The following LRRC74A variants were observed in gnomAD, a reference collection of about 807,000 sequenced individuals.
The protein encoded by LRRC74A is leucine-rich repeat-containing protein 74A.
LRRC74A carries 44 observed loss-of-function variants against 57.9 expected under a neutral mutation model. The ratio of observed to expected loss-of-function variants is 0.76; its 90% CI spans 0.60 to 0.98. The LOEUF is 0.98. Ranked by LOEUF, LRRC74A falls within the 50% of genes least tolerant of loss-of-function variation. The pLI is 0.00. For synonymous variants in LRRC74A, 211 were observed against 219.4 expected (o/e 0.96, Z 0.34); for missense variants, 572 against 574.0 (o/e 1.00, Z 0.04).
At chr14:76,828,938 T>C (rs1166306144) in intron 2 of LRRC74A, 1 of 886,396 alleles carries the variant, frequency 1.1e-6, no homozygotes, top group East Asian at 1.2e-4. Context: ...TGGCCTATCT[T>C]GCATCCCAGT....
At position 76,857,510 on chromosome 14, in the gene LRRC74A, C is replaced by A. The variant is rs760459627; in HGVS notation, c.1053+35C>A. 9.6e-6 allele frequency: 14 copies of A among 1,457,096 alleles called. No individual in the cohort carries two copies. In the East Asian group the frequency reaches 2.7e-4, roughly 28 times the overall value. The allele number at this position is 1,457,096 out of a possible 1,614,324, so 90.3% of individuals were successfully genotyped here. ...CAAATGGTAGTTGCTTGCGTCTGGG[C>A]ACAAGCCAGTGACCCTGTCCACTCT... On this transcript the variant is annotated intron_variant, in intron 10 of 13. Coordinates refer to ENST00000689127, the MANE Select transcript of LRRC74A (RefSeq NM_001385106.1).
chr14:76,843,148 G>A (rs1439655355), intron 5 of LRRC74A, among the ~76,000 whole-genome samples: 2 of 151,958 alleles, frequency 1.3e-5, no homozygotes, highest in African/African-American at 4.8e-5. Context: ...TGGGTGTGGT[G>A]GTGCACAACC....
chr14:76,857,269 G>A (rs1897973479), intron 9 of LRRC74A, 111 bp from the exon 10 acceptor site: 1 of 655,732 alleles, frequency 1.5e-6, no homozygotes, highest in Non-Finnish European at 2.8e-6. Flanking sequence ...TACTTACAGT[G>A]AAGTCTGGGT....
At chr14:76,860,185 G>T (rs1898193877) in intron 10 of LRRC74A, among the ~76,000 whole-genome samples, 1 of 152,156 alleles carries the variant, frequency 6.6e-6, no homozygotes, top group South Asian at 2.1e-4. Flanking sequence ...TGGAGCCCAG[G>T]TTTGATCAAA....
At chr14:76,862,536 C>CA (rs67527511) in intron 11 of LRRC74A, among the ~76,000 whole-genome samples, 5 of 145,956 alleles carry the variant, frequency 3.4e-5, no homozygotes, top group Admixed American at 1.4e-4. Flanking sequence ...GACTCTGTCT[C>CA]AAAAAAAAAA....
In LRRC74A at chr14:76,829,000, A is replaced by T. The variant is rs554900171; in HGVS notation, c.166+581A>T. 98 of 1,288,440 alleles carry T rather than the reference A, an allele frequency of 7.6e-5. No individual in the cohort carries two copies. In the African/African-American group the frequency reaches 1.4e-3, roughly 18 times the overall value. The allele number at this position is 1,288,440 out of a possible 1,614,324, so 79.8% of individuals were successfully genotyped here. A position where few individuals can be genotyped will look rare whatever the true frequency, so the allele number is the denominator to read the frequency against. ...CTGGTTTCCCCTACTTTTCTTGATAAATCTAAGCATGCCTGGGTATCGGGA... is the reference window on the plus strand; with the variant it reads ...CTGGTTTCCCCTACTTTTCTTGATATATCTAAGCATGCCTGGGTATCGGGA... On this transcript the variant is annotated intron_variant, in intron 2 of 13. Coordinates refer to ENST00000689127, the MANE Select transcript of LRRC74A (RefSeq NM_001385106.1).
intron 13 of LRRC74A, among the ~76,000 whole-genome samples, chr14:76,868,088 C>A (rs1486804167): frequency 2.0e-5 from 3 of 152,364 alleles, no homozygotes; most frequent in East Asian, 3.9e-4. Flanking sequence ...GCACGCTCTG[C>A]AGCCTCACGG....
At chr14:76,869,380 G>GAA (rs1899241310) in intron 13 of LRRC74A, among the ~76,000 whole-genome samples, 1 of 152,218 alleles carries the variant, frequency 6.6e-6, no homozygotes, top group Non-Finnish European at 1.5e-5. Context: ...AGCTGTGATT[G>GAA]AAGAGCAGAG....
Position 76,844,901 on chromosome 14 carries a change from G to A in LRRC74A, c.676G>A (p.Ala226Thr), listed in dbSNP as rs370051436. 1 of 1,532,454 alleles carries A rather than the reference G, an allele frequency of 6.5e-7. No individual in the cohort carries two copies. The highest frequency in any genetic ancestry group is 9.0e-7 in the Non-Finnish European group (1 of 1,106,014). 94.9% of individuals were successfully genotyped at this position (1,532,454 alleles called of 1,614,324 possible). The change falls in exon 7 of 14, where the codon GCC (alanine) becomes ACC (threonine). Residue 226 changes from alanine (A) to threonine (T), a missense_variant and splice_region_variant. Coordinates refer to ENST00000689127, the MANE Select transcript of LRRC74A (RefSeq NM_001385106.1). ...VGGEHLGQMLAINVGLTSLDL... is the reference protein window; with the variant it reads ...VGGEHLGQMLTINVGLTSLDL... ...AGGGGAGCACCTGGGCCAGATGCTG[G>A]GTGAGTCTCCCTGGAGGAAGGGACA...
Position 76,857,299 on chromosome 14 carries a change from T to C in LRRC74A, c.958-81T>C, listed in dbSNP as rs541699779. On this transcript the variant is annotated intron_variant, in intron 9 of 13. Transcript: ENST00000689127. ...CTGGGTGTGAGACAGAGGTTGTGAT[T>C]TGATGAGATGTAGAAACTGTGCTCT... The C allele has an allele frequency of 1.2e-5, 10 of 810,382 alleles. No homozygotes were observed. The East Asian group carries it at 2.7e-4, about 22-fold the overall frequency. The allele number at this position is 810,382 out of a possible 1,614,324, so 50.2% of individuals were successfully genotyped here. A position where few individuals can be genotyped will look rare whatever the true frequency, so the allele number is the denominator to read the frequency against.
intron 10 of LRRC74A, among the ~76,000 whole-genome samples, chr14:76,857,931 A>C (rs1009761859): frequency 1.3e-5 from 2 of 152,206 alleles, no homozygotes; most frequent in African/African-American, 2.4e-5. Context: ...TTTCTGGGTG[A>C]AAATCTCTTG....
In LRRC74A at chr14:76,853,217, G is replaced by A. The variant is rs1174275218; in HGVS notation, c.764G>A (p.Gly255Asp). The A allele has an allele frequency of 1.2e-6, 2 of 1,609,144 alleles. No homozygotes were observed. Among genetic ancestry groups the A allele is most frequent in the Non-Finnish European group, 1.7e-6 (2 of 1,175,594 alleles). ...GAVALCNGLR[G>D]NVTLTKLDLS... is the part of the protein sequence containing the mutation. ...TGCTGTTCTCCCCTCTTCCTGGAGG[G>A]TAATGTGACCCTGACAAAGCTGGAT... The change falls in exon 9 of 14, where the codon GGT (glycine) becomes GAT (aspartate). Residue 255 changes from glycine (G) to aspartate (D), a missense_variant and splice_region_variant. Coordinates refer to ENST00000689127, the MANE Select transcript of LRRC74A (RefSeq NM_001385106.1).
chr14:76,855,139 C>G (rs551965815), intron 9 of LRRC74A, among the ~76,000 whole-genome samples: 2 of 152,310 alleles, frequency 1.3e-5, no homozygotes, highest in South Asian at 4.1e-4. Flanking sequence ...TGAGGAGCTG[C>G]TAAGAGGACA....
At chr14:76,861,822 G>A (rs924797735) in intron 11 of LRRC74A, among the ~76,000 whole-genome samples, 9 of 152,230 alleles carry the variant, frequency 5.9e-5, no homozygotes, top group Non-Finnish European at 5.9e-5. Flanking sequence ...TGGGGAGCAG[G>A]CGTGGGGATG....
chr14:76,859,967 C>T (rs1371093339), intron 10 of LRRC74A, among the ~76,000 whole-genome samples: 1 of 152,098 alleles, frequency 6.6e-6, no homozygotes, highest in Non-Finnish European at 1.5e-5. Context: ...CTTGAGACAT[C>T]GAGCCTGTAT....
chr14:76,869,141 C>A, intron 13 of LRRC74A, among the ~76,000 whole-genome samples: 1 of 151,680 alleles, frequency 6.6e-6, no homozygotes, highest in Admixed American at 6.6e-5. Flanking sequence ...TCCTCACCTG[C>A]CCCGTACCTA....
chr14:76,838,602 T>C (rs1473762963), intron 5 of LRRC74A, among the ~76,000 whole-genome samples: 1 of 152,214 alleles, frequency 6.6e-6, no homozygotes, highest in Non-Finnish European at 1.5e-5. Flanking sequence ...ACAGCTAACA[T>C]GTTCCCTGAA....
Position 76,860,691 on chromosome 14 carries a change from AG to A in LRRC74A, c.1054-1del. The stretch of plus-strand genomic sequence containing the variant: ...CATGGGTCCCCTCTCTCCCTGTCAC[AG>A]AACGTGCTGGTGTCCGAGCAGTTCA... On this transcript the variant is annotated splice_acceptor_variant, in intron 10 of 13. Transcript: ENST00000689127. LOFTEE classifies it high-confidence loss of function. 6.2e-7 allele frequency: 1 copy of A among 1,605,660 alleles called. No homozygotes were observed. Among genetic ancestry groups the A allele is most frequent in the Non-Finnish European group, 8.5e-7 (1 of 1,175,202 alleles).
chr14:76,836,448 TC>T, intron 4 of LRRC74A, 134 bp downstream of exon 4: 1 of 591,240 alleles, frequency 1.7e-6, no homozygotes, highest in Non-Finnish European at 3.1e-6. Context: ...CCACACGACT[TC>T]TTAGAGGAGG....
Sources: gnomAD v4.1 joint callset for allele counts (sites outside exome capture counted in the v4.1 genomes callset) on GRCh38, gnomAD v4.1.1 for gene constraint, MANE v1.5 for transcripts, NCBI Gene and HGNC (gene_info 2026-07-23, HGNC 2026-07-21) for gene names.